Variants in ATP11A observed in about 807,000 individuals in gnomAD.
ATP11A encodes the protein phospholipid-transporting ATPase IH.
In ATP11A, 81 loss-of-function variants were observed where a neutral mutation model predicts 154.4. That is an observed-to-expected ratio of 0.52 (90% CI 0.44 to 0.63). ATP11A has a LOEUF of 0.63. ATP11A is among the 30% of genes least tolerant of loss of function. ATP11A has a pLI of 0.00. For missense variants in ATP11A, 1,316 were observed against 1,474.3 expected, an observed-to-expected ratio of 0.89 and a Z score of 1.76; for synonymous variants, 623 against 585.9, an observed-to-expected ratio of 1.06 and a Z score of -0.91.
At chr13:112,735,428 C>T (rs1419225357) in intron 1 of ATP11A, among the ~76,000 whole-genome samples, 3 of 152,168 alleles carry the variant, frequency 2.0e-5, no homozygotes, top group Non-Finnish European at 2.9e-5. Flanking sequence ...GAACCCACAG[C>T]CGTGATTTCT....
At position 112,858,237 on chromosome 13, in the gene ATP11A, G is replaced by A. The variant is rs776100555; in HGVS notation, c.2614G>A (p.Gly872Arg). ...TTTGAAGAAGATGCTGCTTGTTCAC[G>A]GGCATTTTTATTACATTAGGATCTC... ...KHLKKMLLVH[G>R]HFYYIRISEL... Residue 872 changes from glycine (G) to arginine (R), a missense_variant, in exon 22 of 30, where the codon GGG becomes AGG. Transcript: ENST00000375645. 11 of 1,613,922 alleles carry A rather than the reference G, an allele frequency of 6.8e-6. No homozygotes were observed. Among genetic ancestry groups the A allele is most frequent in the African/African-American group, 1.3e-5 (1 of 74,934 alleles).
intron 16 of ATP11A, 133 bp from the exon 17 acceptor site, chr13:112,842,143 G>C (rs377754522): frequency 1.5e-6 from 1 of 672,352 alleles, no homozygotes; most frequent in African/African-American, 1.8e-5. Context: ...GTGTTAACTG[G>C]TCCATTAAAA....
In ATP11A at chr13:112,860,318, A is replaced by G. The variant is rs749942596; in HGVS notation, c.2759A>G (p.Tyr920Cys). ...TACGACACCGCGTATCTGACCCTCTACAACATCAGCTTCACCTCCCTCCCC... is the reference window on the plus strand; with the variant it reads ...TACGACACCGCGTATCTGACCCTCTGCAACATCAGCTTCACCTCCCTCCCC... ...TLYDTAYLTL[Y>C]NISFTSLPIL... is the part of the protein sequence containing the mutation. The change falls in exon 24 of 30, where the codon TAC (tyrosine) becomes TGC (cysteine). Residue 920 changes from tyrosine (Y) to cysteine (C), a missense_variant. By Grantham distance (194) the Tyr-to-Cys change is radical. Coordinates refer to ENST00000375645, the MANE Select transcript of ATP11A (RefSeq NM_015205.3). 4.3e-6 allele frequency: 7 copies of G among 1,614,024 alleles called. No individual in the cohort carries two copies. Among genetic ancestry groups the G allele is most frequent in the South Asian group, 3.3e-5 (3 of 91,082 alleles).
At chr13:112,868,091 G>T (rs1299492623) in intron 25 of ATP11A, among the ~76,000 whole-genome samples, 2 of 152,238 alleles carry the variant, frequency 1.3e-5, no homozygotes, top group African/African-American at 4.8e-5. Flanking sequence ...TTCTCATTTT[G>T]ATGCCACAAA....
intron 1 of ATP11A, among the ~76,000 whole-genome samples, chr13:112,760,129 A>G (rs564814430): frequency 3.9e-5 from 6 of 152,360 alleles, no homozygotes; most frequent in Non-Finnish European, 7.3e-5. Flanking sequence ...TTAACATCTT[A>G]TAAACAAAAC....
At position 112,825,573 on chromosome 13, in the gene ATP11A, G is replaced by A. The variant is rs1246865696; in HGVS notation, c.1016G>A (p.Arg339Lys). 6.2e-7 allele frequency: 1 copy of A among 1,612,750 alleles called. No individual in the cohort carries two copies. The highest frequency in any genetic ancestry group is 8.5e-7 in the Non-Finnish European group (1 of 1,179,458). The change falls in exon 11 of 30, where the codon AGG (arginine) becomes AAG (lysine). Residue 339 changes from arginine to lysine, a missense_variant. Arg to Lys is a conservative substitution (Grantham distance 26). Transcript: ENST00000375645. ...CAGAAAACGGAGTCGGAAAGGCAGA[G>A]GAATCTGGTATGGAGAATCACTGCC... is the stretch of plus-strand genomic sequence containing the variant. ...YNQKTESERQ[R>K]NLFLKAFTDF...
intron 1 of ATP11A, among the ~76,000 whole-genome samples, chr13:112,781,342 G>A (rs1208794979): frequency 6.6e-6 from 1 of 152,046 alleles, no homozygotes; most frequent in East Asian, 1.9e-4. Flanking sequence ...GCCCGGCAGG[G>A]ACCCCGTTTT....
chr13:112,861,028 GCT>G (rs1412654670), intron 24 of ATP11A, among the ~76,000 whole-genome samples: 4 of 152,198 alleles, frequency 2.6e-5, no homozygotes, highest in Non-Finnish European at 5.9e-5. Flanking sequence ...GTTCCACATG[GCT>G]GGGGAGGCCT....
chr13:112,835,453 C>G (rs2079206414), intron 15 of ATP11A, among the ~76,000 whole-genome samples: 1 of 152,228 alleles, frequency 6.6e-6, no homozygotes, highest in Non-Finnish European at 1.5e-5. Context: ...CTGGCACCAG[C>G]TGCACCCTCT....
chr13:112,721,968 G>A (rs1345254749), intron 1 of ATP11A, among the ~76,000 whole-genome samples: 1 of 152,200 alleles, frequency 6.6e-6, no homozygotes, highest in Admixed American at 6.5e-5. Context: ...CACCATGGGA[G>A]CTGCTGGGTC....
At chr13:112,864,777 C>G (rs1163317330) in intron 25 of ATP11A, among the ~76,000 whole-genome samples, 1 of 71,154 alleles carries the variant, frequency 1.4e-5, no homozygotes, top group Non-Finnish European at 2.5e-5. Flanking sequence ...TTCAGTGCGG[C>G]CCATGCAGCT....
At chr13:112,864,203 G>A (rs2080233617) in intron 25 of ATP11A, among the ~76,000 whole-genome samples, 1 of 125,094 alleles carries the variant, frequency 8.0e-6, no homozygotes, top group African/African-American at 2.9e-5. Flanking sequence ...TTCCCAGCGG[G>A]GTCCATCACC....
intron 1 of ATP11A, among the ~76,000 whole-genome samples, chr13:112,740,421 A>G (rs1243550285): frequency 2.0e-5 from 3 of 151,988 alleles, no homozygotes; most frequent in African/African-American, 4.8e-5. Context: ...TGATCCACCC[A>G]CCTCAGCCTC....
chr13:112,806,025 C>T (rs1040962697), intron 3 of ATP11A, among the ~76,000 whole-genome samples, 188 bp from the exon 4 acceptor site: 2 of 151,942 alleles, frequency 1.3e-5, no homozygotes, highest in Non-Finnish European at 2.9e-5. Flanking sequence ...AAAAAAGGTG[C>T]CCTCATTTTA....
At chr13:112,692,769 G>A (rs1268265558) in intron 1 of ATP11A, among the ~76,000 whole-genome samples, 1 of 152,080 alleles carries the variant, frequency 6.6e-6, no homozygotes, top group Non-Finnish European at 1.5e-5. Flanking sequence ...TTAAGTTCAT[G>A]TCTATGGTAT....
intron 2 of ATP11A, among the ~76,000 whole-genome samples, chr13:112,794,026 C>T (rs2077931410): frequency 2.0e-5 from 3 of 152,202 alleles, no homozygotes; most frequent in South Asian, 2.1e-4. Flanking sequence ...TGGCGTCTGT[C>T]GTACAAGTGA....
rs187470121 is a variant in ATP11A at position 112,825,713 on chromosome 13, T to C, written c.1023+133T>C. On this transcript the variant is annotated intron_variant, in intron 11 of 29. Transcript: ENST00000375645. ...AGCTTGATTGATTCAGTCTCTGTGA[T>C]AGATGCATTCACTGAAATTTAAAGT... The C allele has an allele frequency of 5.7e-6, 6 of 1,049,294 alleles. No homozygotes were observed. In the Admixed American group the frequency reaches 1.5e-4, roughly 26 times the overall value. 65.0% of individuals were successfully genotyped at this position (1,049,294 alleles called of 1,614,324 possible).
intron 18 of ATP11A, among the ~76,000 whole-genome samples, chr13:112,852,783 G>GT (rs752517710): frequency 2.9e-5 from 3 of 103,936 alleles, no homozygotes; most frequent in Non-Finnish European, 4.5e-5. Context: ...ATGCCTGGTT[G>GT]GCGGGGGGGG....
At chr13:112,808,392 G>A (rs873344) in intron 4 of ATP11A, among the ~76,000 whole-genome samples, 72,825 of 151,476 alleles carry the variant, frequency 0.48, 17,916 homozygotes, top group African/African-American at 0.55. Flanking sequence ...CCTCTCCCGC[G>A]CGTCCTGCTA....
Sources: gnomAD v4.1 joint callset for allele counts (sites outside exome capture counted in the v4.1 genomes callset) on GRCh38, gnomAD v4.1.1 for gene constraint, MANE v1.5 for transcripts, NCBI Gene and HGNC (gene_info 2026-07-23, HGNC 2026-07-21) for gene names.